The following PRRT3 variants were observed in gnomAD, a reference collection of about 807,000 sequenced individuals.
PRRT3 encodes proline-rich transmembrane protein 3.
PRRT3 carries 48 observed loss-of-function variants against 56.6 expected under a neutral mutation model. The observed-to-expected ratio is 0.85, with a 90% CI of 0.67 to 1.08. The LOEUF is 1.08. Ranked by LOEUF, PRRT3 falls within the 50% of genes least tolerant of loss-of-function variation. The pLI, the probability that PRRT3 is intolerant of heterozygous loss-of-function variation, is 0.00. For synonymous variants in PRRT3, 641 were observed against 619.1 expected, an observed-to-expected ratio of 1.04 and a Z score of -0.52; for missense variants, 1,370 against 1,353.1, an observed-to-expected ratio of 1.01 and a Z score of -0.20.
At chr3:9,948,727 C>G (rs774451044) in intron 3 of PRRT3, 31 bp downstream of exon 3, 1 of 1,613,494 alleles carries the variant, frequency 6.2e-7, no homozygotes, top group Non-Finnish European at 8.5e-7. Flanking sequence ...ACAGAGCACT[C>G]CCTCTCCCCA....
Position 9,946,971 on chromosome 3 carries a change from A to C in PRRT3, c.2202T>G (p.Asn734Lys), listed in dbSNP as rs1013934812. ...SGKSEVPERP[N>K]NCYAGPSNVG... Reference sequence around the variant, plus strand: ...CGTTGCTGGGCCCTGCATAGCAGTTATTGGGTCGCTCCGGCACCTCGCTCT... The same window carrying C: ...CGTTGCTGGGCCCTGCATAGCAGTTCTTGGGTCGCTCCGGCACCTCGCTCT... Residue 734 changes from asparagine to lysine, a missense_variant, in exon 4 of 4, where the codon AAT becomes AAG. Asn to Lys is a moderately conservative substitution (Grantham distance 94). Coordinates refer to ENST00000412055, the MANE Select transcript of PRRT3 (RefSeq NM_207351.5). The surrounding 1 kb of genome is among the most constrained non-coding windows in gnomAD (Gnocchi z 4.1). The C allele has an allele frequency of 1.3e-6, 2 of 1,544,088 alleles. No homozygotes were observed. The highest frequency in any genetic ancestry group is 2.7e-5 in the African/African-American group (2 of 73,542).
In PRRT3 at chr3:9,949,751, G is replaced by T. The variant is rs781290944; in HGVS notation, c.365C>A (p.Pro122Gln). 3.1e-6 allele frequency: 5 copies of T among 1,614,174 alleles called. No individual in the cohort carries two copies. Among genetic ancestry groups the T allele is most frequent in the Non-Finnish European group, 4.2e-6 (5 of 1,180,032 alleles). Residue 122 changes from proline to glutamine, a missense_variant, in exon 2 of 4, where the codon CCA becomes CAA. Pro to Gln is a moderately conservative substitution (Grantham distance 76, BLOSUM62 -1). Transcript: ENST00000412055. This position sits in a 1 kb window ranked among gnomAD's most constrained non-coding sequence, Gnocchi z 4.5. The stretch of plus-strand genomic sequence containing the variant: ...AGGTCCTGTCCAGCCGTGGGAGCTT[G>T]GTCCTTGAGCCATCTGGAGGTCATC... ...VTDDLQMAQGPSSHGWTGPLD... is the reference protein window; with the variant it reads ...VTDDLQMAQGQSSHGWTGPLD...
chr3:9,947,619 G>A lies in PRRT3; in HGVS notation c.1554C>T (p.Ser518=). Residue 518 remains serine, a synonymous_variant, in exon 4 of 4, where the codon TCC becomes TCT. Transcript: ENST00000412055. The surrounding 1 kb of genome is among the most constrained non-coding windows in gnomAD (Gnocchi z 9.2). ...CGTAAGGGTCGGTAAGCATGTAGGCGGATCGCAGCGCCGAAGCCACGAGCA... is the reference window on the plus strand; with the variant it reads ...CGTAAGGGTCGGTAAGCATGTAGGCAGATCGCAGCGCCGAAGCCACGAGCA... ...VLVLVASALR[S]AYMLTDPYGS... 1.9e-6 allele frequency: 3 copies of A among 1,585,924 alleles called. No homozygotes were observed. Among genetic ancestry groups the A allele is most frequent in the Non-Finnish European group, 2.6e-6 (3 of 1,165,764 alleles).
rs1374725517 is a variant in PRRT3, at chr3:9,947,928, T to C, written c.1245A>G (p.Ser415=). Reference sequence around the variant, plus strand: ...TGGTGACTCGAATGAGGCCCCGGCGTGACGTCGAGGGGGCCTGGACTGGGG... The same window carrying C: ...TGGTGACTCGAATGAGGCCCCGGCGCGACGTCGAGGGGGCCTGGACTGGGG... ...PAPPVQAPST[S]RRGLIRVTTQ... is the part of the protein sequence containing the mutation. The change falls in exon 4 of 4, where the codon TCA becomes TCG. Residue 415 remains serine (S), a synonymous_variant. Coordinates refer to ENST00000412055, the MANE Select transcript of PRRT3 (RefSeq NM_207351.5). The surrounding 1 kb of genome is among the most constrained non-coding windows in gnomAD (Gnocchi z 9.2). The C allele has an allele frequency of 1.4e-6, 2 of 1,410,356 alleles. No individual in the cohort carries two copies. Among genetic ancestry groups the C allele is most frequent in the Non-Finnish European group, 1.8e-6 (2 of 1,086,260 alleles). The allele number at this position is 1,410,356 out of a possible 1,614,324, so 87.4% of individuals were successfully genotyped here.
chr3:9,947,777 C>T lies in PRRT3; in HGVS notation c.1396G>A (p.Val466Ile). 1 of 1,477,196 alleles carries T rather than the reference C, an allele frequency of 6.8e-7. No homozygotes were observed. The highest frequency in any genetic ancestry group is 2.4e-5 in the East Asian group (1 of 41,044). The allele number at this position is 1,477,196 out of a possible 1,614,324, so 91.5% of individuals were successfully genotyped here. Residue 466 changes from valine to isoleucine, a missense_variant, in exon 4 of 4, where the codon GTC becomes ATC. Physicochemically the swap from Val to Ile is conservative, Grantham distance 29 (BLOSUM62 3). Transcript: ENST00000412055. This position sits in a 1 kb window ranked among gnomAD's most constrained non-coding sequence, Gnocchi z 9.2. Reference protein sequence around the residue: ...PPLRWGPLRRVLSFSWELHVY... With the variant: ...PPLRWGPLRRILSFSWELHVY... Reference sequence around the variant, plus strand: ...TGCAGCTCCCAGGAGAAGCTCAGGACCCGCCGAAGGGGGCCCCAGCGTAGC... The same window carrying T: ...TGCAGCTCCCAGGAGAAGCTCAGGATCCGCCGAAGGGGGCCCCAGCGTAGC...
chr3:9,947,445 T>C lies in PRRT3; in HGVS notation c.1728A>G (p.Ala576=), dbSNP rs752206005. 1.2e-6 allele frequency: 2 copies of C among 1,612,484 alleles called. No individual in the cohort carries two copies. The highest frequency in any genetic ancestry group is 2.2e-5 in the South Asian group (2 of 91,086). Residue 576 remains alanine, a synonymous_variant, in exon 4 of 4, where the codon GCA becomes GCG. Coordinates refer to ENST00000412055, the MANE Select transcript of PRRT3 (RefSeq NM_207351.5). This position sits in a 1 kb window ranked among gnomAD's most constrained non-coding sequence, Gnocchi z 9.2. ...PPLQNPLLLG[A]VALVHGVGLL... ...ACCCTACACCATGCACCAGCGCCAC[T>C]GCTCCCAGCAGGAGTGGGTTTTGCA...
intron 1 of PRRT3, among the ~76,000 whole-genome samples, chr3:9,950,571 C>T (rs143317137): frequency 0.012 from 1,773 of 152,308 alleles, 30 homozygotes; most frequent in Non-Finnish European, 0.018. Context: ...GGCGTGATCT[C>T]GGCTCACTGC....
Position 9,947,405 on chromosome 3 carries a change from G to C in PRRT3, c.1768C>G (p.Leu590Val). The C allele has an allele frequency of 5.0e-6, 8 of 1,612,464 alleles. No homozygotes were observed. The highest frequency in any genetic ancestry group is 5.9e-6 in the Non-Finnish European group (7 of 1,179,646). ...VHGVGLLATD[L>V]LSTWSVLNLL... ...TTGAGCACAGACCATGTGGACAGCA[G>C]GTCTGTCGCGAGCAACCCTACACCA... is the stretch of plus-strand genomic sequence containing the variant. The change falls in exon 4 of 4, where the codon CTG becomes GTG. Residue 590 changes from leucine to valine, a missense_variant. Transcript: ENST00000412055. This position sits in a 1 kb window ranked among gnomAD's most constrained non-coding sequence, Gnocchi z 9.2.
rs777016886 is a variant in PRRT3 at position 9,947,421 on chromosome 3, C to T, written c.1752G>A (p.Gly584=). 11 of 1,612,436 alleles carry T rather than the reference C, an allele frequency of 6.8e-6. No homozygotes were observed. In the Admixed American group the frequency reaches 1.7e-4, roughly 24 times the overall value. ...TGGACAGCAGGTCTGTCGCGAGCAA[C>T]CCTACACCATGCACCAGCGCCACTG... The part of the protein sequence containing the change: ...LGAVALVHGV[G]LLATDLLSTW... Residue 584 remains glycine, a synonymous_variant, in exon 4 of 4, where the codon GGG becomes GGA. Transcript: ENST00000412055. The surrounding 1 kb of genome is among the most constrained non-coding windows in gnomAD (Gnocchi z 9.2).
chr3:9,948,589 G>T, intron 3 of PRRT3, 169 bp downstream of exon 3: 1 of 717,698 alleles, frequency 1.4e-6, no homozygotes, highest in South Asian at 1.9e-5. Context: ...ATTTCCCAGT[G>T]AGTATGAATT....
At position 9,945,686 on chromosome 3, in the gene PRRT3, G is replaced by C. The variant is rs1379919977; in HGVS notation, c.*541C>G. 1.3e-5 allele frequency: 2 copies of C among 154,180 alleles called. No homozygotes were observed. Among genetic ancestry groups the C allele is most frequent in the African/African-American group, 4.8e-5 (2 of 41,382 alleles). 9.6% of individuals were successfully genotyped at this position (154,180 alleles called of 1,614,324 possible). A position where few individuals can be genotyped will look rare whatever the true frequency, so the allele number is the denominator to read the frequency against. On this transcript the variant is annotated 3_prime_UTR_variant, in exon 4 of 4. Transcript: ENST00000412055. Reference sequence around the variant, plus strand: ...CACACCCACCCTGTATTCCGCATAAGACACGGCCTCTGTGCAAAATGCCGG... The same window carrying C: ...CACACCCACCCTGTATTCCGCATAACACACGGCCTCTGTGCAAAATGCCGG...
chr3:9,947,823 TG>T lies in PRRT3; in HGVS notation c.1349del (p.Pro450GlnfsTer18). On this transcript the variant is annotated frameshift_variant, in exon 4 of 4. Coordinates refer to ENST00000412055, the MANE Select transcript of PRRT3 (RefSeq NM_207351.5). LOFTEE classifies it high-confidence loss of function. This position sits in a 1 kb window ranked among gnomAD's most constrained non-coding sequence, Gnocchi z 9.2. The stretch of plus-strand genomic sequence containing the variant: ...GTAGCGGGGGTGCAGTGGCGTTGGC[TG>T]GGGGGCTGGAGGCTGGGGCTGAAGC... ...SMASAPASSP[P>X]ANATAPPLRW... 5 of 1,440,548 alleles carry T rather than the reference TG, an allele frequency of 3.5e-6. No individual in the cohort carries two copies. The highest frequency in any genetic ancestry group is 4.6e-6 in the Non-Finnish European group (5 of 1,096,578). The allele number at this position is 1,440,548 out of a possible 1,614,324, so 89.2% of individuals were successfully genotyped here.
chr3:9,948,387 T>C (rs2085564565), intron 3 of PRRT3: 1 of 388,552 alleles, frequency 2.6e-6, no homozygotes, highest in East Asian at 4.0e-5. Context: ...TGGTGTGCAG[T>C]GGTGCAATGT....
At chr3:9,952,243 C>T (rs955715716) in intron 1 of PRRT3, 79 bp downstream of exon 1, 1 of 152,430 alleles carries the variant, frequency 6.6e-6, no homozygotes, top group African/African-American at 2.4e-5. Flanking sequence ...GCCTGGTCGC[C>T]TGCGCCCGCG....
At position 9,946,940 on chromosome 3, in the gene PRRT3, C is replaced by T. The variant is rs531236297; in HGVS notation, c.2233G>A (p.Ala745Thr). 1.9e-6 allele frequency: 3 copies of T among 1,542,002 alleles called. No homozygotes were observed. The highest frequency in any genetic ancestry group is 2.7e-5 in the African/African-American group (2 of 73,562). ...NCYAGPSNVG[A>T]GSLDISKSLI... The stretch of plus-strand genomic sequence containing the variant: ...CTCTTGCTGATGTCCAAGCTGCCTG[C>T]ACCAACGTTGCTGGGCCCTGCATAG... Residue 745 changes from alanine (A) to threonine (T), a missense_variant, in exon 4 of 4, where the codon GCA becomes ACA. Ala to Thr is a moderately conservative substitution (Grantham distance 58). Coordinates refer to ENST00000412055, the MANE Select transcript of PRRT3 (RefSeq NM_207351.5). This position sits in a 1 kb window ranked among gnomAD's most constrained non-coding sequence, Gnocchi z 4.1.
Position 9,949,075 on chromosome 3 carries a change from C to T in PRRT3, c.1015+26G>A, listed in dbSNP as rs192122187. 1.0e-5 allele frequency: 16 copies of T among 1,560,772 alleles called. No individual in the cohort carries two copies. Among genetic ancestry groups the T allele is most frequent in the East Asian group, 4.5e-5 (2 of 44,576 alleles). Reference sequence around the variant, plus strand: ...GAGGCATCCAGCTGCCCCAGAACATCGCTCAGCACACTCATTGATACCCAC... The same window carrying T: ...GAGGCATCCAGCTGCCCCAGAACATTGCTCAGCACACTCATTGATACCCAC... On this transcript the variant is annotated intron_variant, in intron 2 of 3. Transcript: ENST00000412055. The surrounding 1 kb of genome is among the most constrained non-coding windows in gnomAD (Gnocchi z 4.5).
At position 9,946,702 on chromosome 3, in the gene PRRT3, T is replaced by C. The variant is rs2085529383; in HGVS notation, c.2471A>G (p.His824Arg). Residue 824 changes from histidine to arginine, a missense_variant, in exon 4 of 4, where the codon CAC (histidine) becomes CGC (arginine). Transcript: ENST00000412055. The surrounding 1 kb of genome is among the most constrained non-coding windows in gnomAD (Gnocchi z 4.1). ...RSIDAALFREHLVRDSVFQRC... is the reference protein window; with the variant it reads ...RSIDAALFRERLVRDSVFQRC... ...CTGGAACACACTGTCTCGCACTAGG[T>C]GCTCGCGGAAGAGCGCGGCGTCGAT... 6.8e-7 allele frequency: 1 copy of C among 1,471,718 alleles called. No homozygotes were observed. Among genetic ancestry groups the C allele is most frequent in the African/African-American group, 1.4e-5 (1 of 69,996 alleles). 91.2% of individuals were successfully genotyped at this position (1,471,718 alleles called of 1,614,324 possible).
In PRRT3 at chr3:9,946,109, T is replaced by G. The variant is rs1417706313; in HGVS notation, c.*118A>C. On this transcript the variant is annotated 3_prime_UTR_variant, in exon 4 of 4. Transcript: ENST00000412055. The surrounding 1 kb of genome is among the most constrained non-coding windows in gnomAD (Gnocchi z 4.1). ...CCTCGGCCTCCCAAAGTGCTGGGAT[T>G]CCTGGCGTGAGCCACCGCGCCTGGC... The G allele has an allele frequency of 4.9e-6, 7 of 1,423,984 alleles. No homozygotes were observed. Among genetic ancestry groups the G allele is most frequent in the Non-Finnish European group, 6.5e-6 (7 of 1,081,302 alleles). The allele number at this position is 1,423,984 out of a possible 1,614,324, so 88.2% of individuals were successfully genotyped here.
Position 9,947,022 on chromosome 3 carries a change from A to G in PRRT3, c.2151T>C (p.Arg717=). The G allele has an allele frequency of 6.5e-7, 1 of 1,540,460 alleles. No homozygotes were observed. Among genetic ancestry groups the G allele is most frequent in the Admixed American group, 1.9e-5 (1 of 51,554 alleles). ...TTCCTGACGGCGCCGGGCACGCCAGACGCATCAGCTTAGCCCAGCAAGCGT... is the reference window on the plus strand; with the variant it reads ...TTCCTGACGGCGCCGGGCACGCCAGGCGCATCAGCTTAGCCCAGCAAGCGT... The part of the protein sequence containing the change: ...TEHACWAKLM[R]LACPAPSGKS... Residue 717 remains arginine, a synonymous_variant, in exon 4 of 4, where the codon CGT becomes CGC. Transcript: ENST00000412055. The surrounding 1 kb of genome is among the most constrained non-coding windows in gnomAD (Gnocchi z 9.2).
Sources: allele counts gnomAD v4.1 joint callset (sites outside exome capture counted in the v4.1 genomes callset), GRCh38; gene constraint gnomAD v4.1.1; non-coding constraint Gnocchi (gnomAD v3.1); transcripts MANE v1.5; gene names NCBI Gene and HGNC (gene_info 2026-07-23, HGNC 2026-07-21).